ASRGL1: variants seen among roughly 807,000 people sequenced by gnomAD.
ASRGL1 encodes the protein isoaspartyl peptidase/L-asparaginase.
Under a neutral mutation model 22.4 loss-of-function variants are expected in ASRGL1, and 16 were observed. The ratio of observed to expected loss-of-function variants is 0.71; its 90% CI spans 0.48 to 1.08. The LOEUF is 1.08. Ranked by LOEUF, ASRGL1 falls within the 50% of genes least tolerant of loss-of-function variation. ASRGL1 has a pLI of 0.00. For synonymous variants in ASRGL1, 165 were observed against 159.3 expected (o/e 1.04, Z -0.27); for missense variants, 412 against 410.1 (o/e 1.00, Z -0.04).
chr11:62,375,510 A>C (rs1374049733), intron 4 of ASRGL1, among the ~76,000 whole-genome samples: 1 of 140,016 alleles, frequency 7.1e-6, no homozygotes, highest in Non-Finnish European at 1.5e-5. Context: ...TAAATAAACG[A>C]CATCATTATC....
intron 5 of ASRGL1, 165 bp downstream of exon 5, chr11:62,389,416 G>A (rs539863514): frequency 1.6e-5 from 12 of 742,562 alleles, no homozygotes; most frequent in Admixed American, 4.0e-5. Context: ...GGGGTTGTTC[G>A]GGGTGCTGCC....
At chr11:62,390,786 C>G (rs1947317967) in intron 5 of ASRGL1, among the ~76,000 whole-genome samples, 1 of 152,148 alleles carries the variant, frequency 6.6e-6, no homozygotes, top group Admixed American at 6.5e-5. Flanking sequence ...TGCCCCATGT[C>G]CAGCATCAAT....
chr11:62,375,275 G>C (rs574182374), intron 4 of ASRGL1, among the ~76,000 whole-genome samples: 1 of 151,492 alleles, frequency 6.6e-6, no homozygotes, highest in Non-Finnish European at 1.5e-5. Flanking sequence ...ACAGTTGCCC[G>C]GCTGGGAACG....
chr11:62,396,418 T>C (rs1202628165), downstream of ASRGL1, among the ~76,000 whole-genome samples: 1 of 152,066 alleles, frequency 6.6e-6, no homozygotes, highest in East Asian at 1.9e-4. Flanking sequence ...AAGTTAAAAA[T>C]ATGTAGGAGG....
At chr11:62,373,260 T>G in intron 4 of ASRGL1, 1 of 746,256 alleles carries the variant, frequency 1.3e-6, no homozygotes, top group South Asian at 1.6e-5. Context: ...AAACAAGGAA[T>G]TTAAAAAAGC....
chr11:62,357,142 AAAGT>A lies in ASRGL1; in HGVS notation c.491+3_491+6del, dbSNP rs776518240. The A allele has an allele frequency of 8.7e-5, 141 of 1,612,610 alleles. No individual in the cohort carries two copies. Among genetic ancestry groups the A allele is most frequent in the Non-Finnish European group, 1.2e-4 (136 of 1,179,686 alleles). ...AAGGTGCTCAGAAAACAGATTGTCA[AAAGT>A]AAGTCTTACCTGTGGCTCGCATTAT... is the stretch of plus-strand genomic sequence containing the variant. On this transcript the variant is annotated splice_donor_variant and coding_sequence_variant, in exon 4 of 7. Coordinates refer to ENST00000415229, the MANE Select transcript of ASRGL1 (RefSeq NM_001083926.2). LOFTEE classifies it high-confidence loss of function.
chr11:62,341,946 A>C (rs1357117363), intron 2 of ASRGL1, among the ~76,000 whole-genome samples: 1 of 152,172 alleles, frequency 6.6e-6, no homozygotes, highest in African/African-American at 2.4e-5. Context: ...GCTGTAAAGA[A>C]ATAGTATTCG....
chr11:62,391,877 T>C, intron 6 of ASRGL1: 1 of 739,710 alleles, frequency 1.4e-6, no homozygotes, highest in Non-Finnish European at 2.2e-6. Context: ...AGCCTGGATG[T>C]GGGAGGGAAG....
chr11:62,391,556 C>T lies in ASRGL1; in HGVS notation c.645C>T (p.Ala215=), dbSNP rs372828074. 1.4e-4 allele frequency: 231 copies of T among 1,612,360 alleles called. No homozygotes were observed. The highest frequency in any genetic ancestry group is 7.5e-4 in the African/African-American group (56 of 74,894). Residue 215 remains alanine (A), a synonymous_variant, in exon 6 of 7, where the codon GCC becomes GCT. Coordinates refer to ENST00000415229, the MANE Select transcript of ASRGL1 (RefSeq NM_001083926.2). The part of the protein sequence containing the change: ...AGGYADNDIG[A]VSTTGHGESI... ...GTTATGCCGACAATGACATCGGAGC[C>T]GTCTCAACCACAGGGCATGGGGAAA...
the ASRGL1 span, among the ~76,000 whole-genome samples, chr11:62,401,403 A>G: frequency 6.6e-6 from 1 of 152,222 alleles, no homozygotes; most frequent in Non-Finnish European, 1.5e-5. Context: ...CACCATGTGC[A>G]ATAAATATCT....
At chr11:62,349,331 A>T (rs537471076) in intron 2 of ASRGL1, among the ~76,000 whole-genome samples, 2 of 152,268 alleles carry the variant, frequency 1.3e-5, no homozygotes, top group African/African-American at 4.8e-5. Context: ...TATCCTTTTA[A>T]CTATAGCCTA....
chr11:62,366,047 C>CTCAG (rs1207270149), intron 4 of ASRGL1, among the ~76,000 whole-genome samples: 2 of 146,740 alleles, frequency 1.4e-5, no homozygotes, highest in African/African-American at 5.1e-5. Flanking sequence ...ACTGCCCGAG[C>CTCAG]TCAGGAGTTG....
At chr11:62,344,608 T>G (rs1317078296) in intron 2 of ASRGL1, among the ~76,000 whole-genome samples, 1 of 152,134 alleles carries the variant, frequency 6.6e-6, no homozygotes, top group Admixed American at 6.5e-5. Context: ...TTTTTTTTTT[T>G]TGTGGCTACA....
In ASRGL1 at chr11:62,392,337, C is replaced by T. The variant is rs988807278; in HGVS notation, c.*53C>T. On this transcript the variant is annotated 3_prime_UTR_variant, in exon 7 of 7. Transcript: ENST00000415229. ...TAGCTTAGAGGTCAAGTACAGTCTCCTCATGAGACATAGCCTAATCAATTA... is the reference window on the plus strand; with the variant it reads ...TAGCTTAGAGGTCAAGTACAGTCTCTTCATGAGACATAGCCTAATCAATTA... 1 of 1,587,688 alleles carries T rather than the reference C, an allele frequency of 6.3e-7. No individual in the cohort carries two copies.
At chr11:62,362,186 A>G (rs150952314) in intron 4 of ASRGL1, among the ~76,000 whole-genome samples, 113 of 152,082 alleles carry the variant, frequency 7.4e-4, no homozygotes, top group East Asian at 7.2e-3. Context: ...GAGGGAATAA[A>G]TGCAGTGTCT....
At chr11:62,369,292 C>A (rs1046640551) in intron 4 of ASRGL1, among the ~76,000 whole-genome samples, 1 of 152,152 alleles carries the variant, frequency 6.6e-6, no homozygotes, top group African/African-American at 2.4e-5. Context: ...CTTGAGTCAA[C>A]ACAGCACATG....
At chr11:62,372,162 A>T (rs1362139545) in intron 4 of ASRGL1, 3 of 914,132 alleles carry the variant, frequency 3.3e-6, no homozygotes, top group Non-Finnish European at 3.7e-6. Flanking sequence ...CAGCTGGGAC[A>T]TGGTGACACC....
At chr11:62,341,352 C>G (rs913373728) in intron 2 of ASRGL1, among the ~76,000 whole-genome samples, 1 of 152,050 alleles carries the variant, frequency 6.6e-6, no homozygotes, top group East Asian at 1.9e-4. Flanking sequence ...GCACCCACCA[C>G]CAGGACCAGC....
the ASRGL1 span, among the ~76,000 whole-genome samples, chr11:62,398,568 C>A: frequency 6.6e-6 from 1 of 152,220 alleles, no homozygotes; most frequent in Non-Finnish European, 1.5e-5. Flanking sequence ...TCCCAACTTT[C>A]TTTGCAGACA....
Sources: gnomAD v4.1 joint callset for allele counts (sites outside exome capture counted in the v4.1 genomes callset) on GRCh38, gnomAD v4.1.1 for gene constraint, MANE v1.5 for transcripts, NCBI Gene and HGNC (gene_info 2026-07-23, HGNC 2026-07-21) for gene names.